The following EEIG2 variants were observed in gnomAD, a reference collection of about 807,000 sequenced individuals.
The protein encoded by EEIG2 is EEIG family member 2, also known as family with sequence similarity 102 member B.
At chr1:108,586,314 GGT>G in the EEIG2 span, among the ~76,000 whole-genome samples, 11,332 of 147,874 alleles carry the variant, frequency 0.077, 499 homozygotes, top group Middle Eastern at 0.17. Context: ...TACGCAGAGG[GGT>G]GTGTGTGTGT....
chr1:108,617,446 A>G, the EEIG2 span, among the ~76,000 whole-genome samples: 1 of 152,198 alleles, frequency 6.6e-6, no homozygotes, highest in Non-Finnish European at 1.5e-5. Context: ...AGAGGAACAA[A>G]TTGGGAGCTT....
chr1:108,632,380 A>G, the EEIG2 span, among the ~76,000 whole-genome samples: 1 of 152,166 alleles, frequency 6.6e-6, no homozygotes, highest in African/African-American at 2.4e-5. Context: ...TTGCCATAAC[A>G]AAGTTTCTTC....
the EEIG2 span, among the ~76,000 whole-genome samples, chr1:108,622,529 C>T: frequency 0.82 from 124,596 of 152,182 alleles, 52,886 homozygotes; most frequent in Non-Finnish European, 0.93. Flanking sequence ...AGGTGATATC[C>T]GTAATTCTAG....
At chr1:108,601,272 G>GTGTA in the EEIG2 span, among the ~76,000 whole-genome samples, 32 of 151,970 alleles carry the variant, frequency 2.1e-4, no homozygotes, top group African/African-American at 7.7e-4. Context: ...TTGTGTGTGT[G>GTGTA]TGTATGTGTT....
chr1:108,586,475 A>T, the EEIG2 span, among the ~76,000 whole-genome samples: 2 of 152,142 alleles, frequency 1.3e-5, no homozygotes, highest in Non-Finnish European at 2.9e-5. Context: ...GAGAATAATT[A>T]CAAATTACTT....
At chr1:108,586,994 C>G in the EEIG2 span, among the ~76,000 whole-genome samples, 1 of 152,090 alleles carries the variant, frequency 6.6e-6, no homozygotes, top group Non-Finnish European at 1.5e-5. Context: ...GTACATTTTC[C>G]TGTTTCTTAA....
chr1:108,614,474 A>G, the EEIG2 span, among the ~76,000 whole-genome samples: 3 of 152,132 alleles, frequency 2.0e-5, no homozygotes, highest in African/African-American at 7.2e-5. Context: ...TCGTATCCCA[A>G]CACATTATTC....
the EEIG2 span, among the ~76,000 whole-genome samples, chr1:108,604,679 A>T: frequency 6.6e-6 from 1 of 152,236 alleles, no homozygotes; most frequent in East Asian, 1.9e-4. Flanking sequence ...GTTGAATAAG[A>T]TGAAGATCGG....
the EEIG2 span, among the ~76,000 whole-genome samples, chr1:108,563,335 C>T: frequency 6.6e-6 from 1 of 152,188 alleles, no homozygotes; most frequent in Non-Finnish European, 1.5e-5. Context: ...CCCTGGTAGA[C>T]AGCACATCAC....
At chr1:108,636,372 C>G in the EEIG2 span, 1 of 152,164 alleles carries the variant, frequency 6.6e-6, no homozygotes, top group Non-Finnish European at 1.5e-5. Flanking sequence ...TCTGTATAAC[C>G]AGTAATTCCC....
At chr1:108,612,267 T>C in the EEIG2 span, 1 of 1,612,526 alleles carries the variant, frequency 6.2e-7, no homozygotes, top group Non-Finnish European at 8.5e-7. Context: ...ATACCAAAAA[T>C]ACAAGACAGG....
the EEIG2 span, among the ~76,000 whole-genome samples, chr1:108,587,700 C>T: frequency 6.6e-6 from 1 of 152,044 alleles, no homozygotes; most frequent in Non-Finnish European, 1.5e-5. Flanking sequence ...TTACCTTATC[C>T]GTAGGAAAAT....
At chr1:108,575,848 G>A in the EEIG2 span, among the ~76,000 whole-genome samples, 1,463 of 152,308 alleles carry the variant, frequency 9.6e-3, 23 homozygotes, top group African/African-American at 0.033. Flanking sequence ...TGGATATGAG[G>A]TGTCTTTTGG....
At chr1:108,582,764 G>C in the EEIG2 span, among the ~76,000 whole-genome samples, 1 of 152,134 alleles carries the variant, frequency 6.6e-6, no homozygotes, top group Non-Finnish European at 1.5e-5. Flanking sequence ...GAAATGTCCT[G>C]CTTTGGGGTA....
the EEIG2 span, among the ~76,000 whole-genome samples, chr1:108,584,499 T>C: frequency 6.6e-6 from 1 of 152,192 alleles, no homozygotes; most frequent in Non-Finnish European, 1.5e-5. Flanking sequence ...TTTTGGACTT[T>C]GCATGTTTGC....
the EEIG2 span, among the ~76,000 whole-genome samples, chr1:108,595,937 A>G: frequency 3.6e-4 from 55 of 152,332 alleles, no homozygotes; most frequent in East Asian, 9.9e-3. Context: ...ACGTATTTGC[A>G]GAAATATTAA....
At chr1:108,560,330 C>T in the EEIG2 span, 1 of 984,010 alleles carries the variant, frequency 1.0e-6, no homozygotes, top group Non-Finnish European at 1.2e-6. Context: ...GCGCACAGCT[C>T]GCGGCCCCGG....
At chr1:108,600,695 A>G in the EEIG2 span, 1 of 1,601,840 alleles carries the variant, frequency 6.2e-7, no homozygotes, top group East Asian at 2.2e-5. Context: ...AGGTATAAAA[A>G]TAGCCTATTA....
At chr1:108,624,963 A>C in the EEIG2 span, 1 of 507,484 alleles carries the variant, frequency 2.0e-6, no homozygotes, top group African/African-American at 1.9e-5. Context: ...CACTCTCCTC[A>C]CTGTATGCAT....
Sources: allele counts gnomAD v4.1 joint callset (sites outside exome capture counted in the v4.1 genomes callset), GRCh38; gene constraint gnomAD v4.1.1; transcripts MANE v1.5; gene names NCBI Gene and HGNC (gene_info 2026-07-23, HGNC 2026-07-21).